The following VWA8 variants were observed in gnomAD, a reference collection of about 807,000 sequenced individuals.
VWA8 encodes the protein von Willebrand factor A domain containing 8.
Under a neutral mutation model 241.5 loss-of-function variants are expected in VWA8, and 221 were observed. The ratio of observed to expected loss-of-function variants is 0.91; its 90% CI spans 0.82 to 1.02. The LOEUF (loss-of-function observed/expected upper bound fraction) is 1.02, where lower values mean the gene tolerates loss of function less well. Ranked by LOEUF, VWA8 falls within the 50% of genes least tolerant of loss-of-function variation. The pLI is 0.00. For missense variants in VWA8, 2,322 were observed against 2,328.7 expected (o/e 1.00, Z 0.06); for synonymous variants, 852 against 827.1 (o/e 1.03, Z -0.52).
chr13:41,772,387 T>A (rs1279660135), intron 20 of VWA8, among the ~76,000 whole-genome samples: 1 of 152,070 alleles, frequency 6.6e-6, no homozygotes, highest in Non-Finnish European at 1.5e-5. Context: ...TATCACTGGT[T>A]AGAAAATAAA....
intron 1 of VWA8, 149 bp downstream of exon 1, chr13:41,960,704 C>T: frequency 1.7e-6 from 2 of 1,182,028 alleles, no homozygotes; most frequent in East Asian, 3.2e-5. Flanking sequence ...GCGCCGAGGT[C>T]GGGACTAGAA....
intron 37 of VWA8, among the ~76,000 whole-genome samples, chr13:41,668,572 T>A (rs1443313820): frequency 6.6e-6 from 1 of 152,196 alleles, no homozygotes; most frequent in Non-Finnish European, 1.5e-5. Flanking sequence ...AAACATTTGC[T>A]TGTTATTACT....
intron 25 of VWA8, among the ~76,000 whole-genome samples, chr13:41,720,711 C>T (rs1032616473): frequency 7.9e-5 from 12 of 152,128 alleles, no homozygotes; most frequent in East Asian, 1.9e-4. Flanking sequence ...CTCCCTGCCC[C>T]ACCTTTCTAC....
At chr13:41,833,043 A>AAC (rs1448499570) in intron 13 of VWA8, among the ~76,000 whole-genome samples, 1 of 152,192 alleles carries the variant, frequency 6.6e-6, no homozygotes, top group Non-Finnish European at 1.5e-5. Context: ...CAAATTATAG[A>AAC]AACTTCAGCA....
Position 41,670,933 on chromosome 13 carries a change from A to G in VWA8, c.4611+13T>C. 6.2e-7 allele frequency: 1 copy of G among 1,613,062 alleles called. No homozygotes were observed. Among genetic ancestry groups the G allele is most frequent in the Non-Finnish European group, 8.5e-7 (1 of 1,179,682 alleles). On this transcript the variant is annotated intron_variant, in intron 37 of 44. Transcript: ENST00000379310. Reference sequence around the variant, plus strand: ...TGTGCACCTCTAAGAGATAAGGTGAATTCAAATGGTACCTGCATATTTCTG... The same window carrying G: ...TGTGCACCTCTAAGAGATAAGGTGAGTTCAAATGGTACCTGCATATTTCTG...
chr13:41,916,595 T>C (rs1456019356), intron 2 of VWA8, among the ~76,000 whole-genome samples: 1 of 152,264 alleles, frequency 6.6e-6, no homozygotes, highest in African/African-American at 2.4e-5. Flanking sequence ...ATTCATGTTT[T>C]AGTATAGCGT....
chr13:41,640,335 G>A (rs1285724043), intron 37 of VWA8, among the ~76,000 whole-genome samples: 1 of 152,182 alleles, frequency 6.6e-6, no homozygotes, highest in Admixed American at 6.5e-5. Context: ...CAGGCAGCCA[G>A]ACCCAAATAG....
intron 26 of VWA8, among the ~76,000 whole-genome samples, chr13:41,708,386 A>T (rs1342054684): frequency 6.6e-6 from 1 of 152,170 alleles, no homozygotes. Context: ...TGTATGTACT[A>T]AAAGAAAAAG....
intron 9 of VWA8, among the ~76,000 whole-genome samples, chr13:41,879,931 TAAGAAAAACA>T (rs1222830520): frequency 6.6e-6 from 1 of 152,186 alleles, no homozygotes; most frequent in East Asian, 1.9e-4. Context: ...CCAAACCATG[TAAGAAAAACA>T]AAAACCATCT....
At position 41,952,515 on chromosome 13, in the gene VWA8, G is replaced by A. The variant is rs567138208; in HGVS notation, c.164-2502C>T. On this transcript the variant is annotated intron_variant, in intron 1 of 44. Coordinates refer to ENST00000379310, the MANE Select transcript of VWA8 (RefSeq NM_015058.2). ...ATTATAGTTACAGTATTTTCAAATAGGATGTCTTTACAAATGTTATTTCAC... is the reference window on the plus strand; with the variant it reads ...ATTATAGTTACAGTATTTTCAAATAAGATGTCTTTACAAATGTTATTTCAC... 1.7e-3 allele frequency among the ~76,000 whole-genome samples: 257 copies of A among 152,184 alleles called. 2 individuals carry two copies. Among genetic ancestry groups the A allele is most frequent in the African/African-American group, 5.7e-3 (236 of 41,518 alleles).
chr13:41,613,759 A>AG lies in VWA8; in HGVS notation c.4720+1216dup, dbSNP rs527615770. Among the ~76,000 whole-genome samples the AG allele has an allele frequency of 6.2e-4, 93 of 150,666 alleles. 1 individual carries two copies. Among genetic ancestry groups the AG allele is most frequent in the African/African-American group, 1.7e-3 (70 of 41,264 alleles). ...CAAACCACTTCAGAAGATAATGGGG[A>AG]GGGTGGGCAAGGGAGGAGCATTGAT... On this transcript the variant is annotated intron_variant, in intron 38 of 44. Coordinates refer to ENST00000379310, the MANE Select transcript of VWA8 (RefSeq NM_015058.2).
At chr13:41,847,710 C>T (rs1220726788) in intron 12 of VWA8, among the ~76,000 whole-genome samples, 4 of 152,108 alleles carry the variant, frequency 2.6e-5, no homozygotes, top group Non-Finnish European at 4.4e-5. Context: ...TAATGGGTAA[C>T]CTCGTTAATG....
chr13:41,672,008 C>T (rs1434013031), intron 36 of VWA8, among the ~76,000 whole-genome samples: 1 of 152,144 alleles, frequency 6.6e-6, no homozygotes, highest in East Asian at 1.9e-4. Flanking sequence ...TGGTTCTCTG[C>T]ATTTTCCTGT....
intron 9 of VWA8, among the ~76,000 whole-genome samples, chr13:41,874,091 T>G (rs558730660): frequency 6.6e-6 from 1 of 152,002 alleles, no homozygotes; most frequent in South Asian, 2.1e-4. Context: ...AACCACATGA[T>G]TATCTCAATA....
intron 20 of VWA8, among the ~76,000 whole-genome samples, chr13:41,761,764 G>T (rs1382768488): frequency 6.6e-6 from 1 of 151,986 alleles, no homozygotes; most frequent in Non-Finnish European, 1.5e-5. Flanking sequence ...AACTATATGT[G>T]CTCTTCCTAG....
At chr13:41,780,893 C>T (rs1453244640) in intron 19 of VWA8, among the ~76,000 whole-genome samples, 5 of 152,170 alleles carry the variant, frequency 3.3e-5, no homozygotes, top group African/African-American at 9.7e-5. Flanking sequence ...TTTCACCAGA[C>T]ATTGTGCTCC....
intron 42 of VWA8, among the ~76,000 whole-genome samples, chr13:41,583,019 A>T (rs1566376050): frequency 6.6e-6 from 1 of 152,242 alleles, no homozygotes; most frequent in Admixed American, 6.5e-5. Context: ...GGAAGATTTC[A>T]GCATCCACAG....
chr13:41,914,811 C>T (rs946024231), intron 2 of VWA8, among the ~76,000 whole-genome samples: 1 of 152,124 alleles, frequency 6.6e-6, no homozygotes, highest in Non-Finnish European at 1.5e-5. Flanking sequence ...AATTTAAAAT[C>T]CAAAATTTGT....
Position 41,868,445 on chromosome 13 carries a change from T to C in VWA8, c.1113A>G (p.Leu371=), listed in dbSNP as rs1455433505. Residue 371 remains leucine, a synonymous_variant, in exon 10 of 45, where the codon CTA becomes CTG. Transcript: ENST00000379310. ...CTACTTTTACAATCTCTTTAGGAAG[T>C]AGAGAGCTTCCTGAATCTTGAAGTT... ...RFELQDSGSS[L]LPKEIVKVEK... 5 of 1,613,874 alleles carry C rather than the reference T, an allele frequency of 3.1e-6. No individual in the cohort carries two copies. The highest frequency in any genetic ancestry group is 3.3e-5 in the Admixed American group (2 of 59,996).
Sources: gnomAD v4.1 joint callset for allele counts (sites outside exome capture counted in the v4.1 genomes callset) on GRCh38, gnomAD v4.1.1 for gene constraint, MANE v1.5 for transcripts, NCBI Gene and HGNC (gene_info 2026-07-23, HGNC 2026-07-21) for gene names.